Variants in TNR observed in about 807,000 individuals in gnomAD.
TNR encodes tenascin-R.
Under a neutral mutation model 150.4 loss-of-function variants are expected in TNR, and 45 were observed. The observed-to-expected ratio is 0.30, with a 90% CI of 0.24 to 0.38. The LOEUF (loss-of-function observed/expected upper bound fraction) is 0.38, where lower values mean the gene tolerates loss of function less well. Ranked by LOEUF, TNR falls within the 10% of genes least tolerant of loss-of-function variation. The probability of loss-of-function intolerance (pLI) is 1.00; values close to 1 mark genes in which losing one functional copy is unlikely to be tolerated. For missense variants in TNR, 1,544 were observed against 1,759.1 expected (o/e 0.88, Z 2.19); for synonymous variants, 687 against 678.4 (o/e 1.01, Z -0.20).
intron 2 of TNR, among the ~76,000 whole-genome samples, chr1:175,525,518 G>T (rs752559739): frequency 2.0e-5 from 3 of 152,176 alleles, no homozygotes; most frequent in Admixed American, 6.5e-5. Flanking sequence ...AGTTTAAATG[G>T]ATTACAAGTA....
intron 2 of TNR, among the ~76,000 whole-genome samples, chr1:175,480,443 G>GAAAGAAAGAAAGAA (rs199763120): frequency 5.8e-4 from 55 of 94,714 alleles, no homozygotes; most frequent in Non-Finnish European, 9.0e-4. Flanking sequence ...AAGAAAGAAA[G>GAAAGAAAGAAAGAA]AGAAAGAAAG....
intron 2 of TNR, among the ~76,000 whole-genome samples, chr1:175,489,400 G>C (rs959235736): frequency 6.6e-6 from 1 of 152,200 alleles, no homozygotes; most frequent in Non-Finnish European, 1.5e-5. Context: ...GTTAGGGGCT[G>C]TTACAGTCAC....
intron 1 of TNR, among the ~76,000 whole-genome samples, chr1:175,621,054 G>A (rs1410348260): frequency 6.6e-6 from 1 of 152,088 alleles, no homozygotes; most frequent in Admixed American, 6.5e-5. Context: ...CTTTGCTATC[G>A]CTCTTGCCTT....
intron 1 of TNR, among the ~76,000 whole-genome samples, chr1:175,561,146 T>G (rs1380799077): frequency 6.6e-6 from 1 of 152,226 alleles, no homozygotes; most frequent in African/African-American, 2.4e-5. Flanking sequence ...TCTGGCACTA[T>G]TTTTACAGGC....
intron 18 of TNR, among the ~76,000 whole-genome samples, chr1:175,345,591 A>G (rs139386322): frequency 6.6e-6 from 1 of 152,306 alleles, no homozygotes; most frequent in East Asian, 1.9e-4. Context: ...AATAAGCTAA[A>G]GAGTAAGCAA....
chr1:175,396,889 C>T (rs1290264595), intron 4 of TNR, 82 bp from the exon 5 acceptor site: 14 of 1,531,504 alleles, frequency 9.1e-6, no homozygotes, highest in Non-Finnish European at 1.2e-5. Flanking sequence ...CCTCACATCT[C>T]ACCCCCCATG....
intron 2 of TNR, among the ~76,000 whole-genome samples, chr1:175,422,528 G>A (rs1395886088): frequency 1.3e-5 from 2 of 152,218 alleles, no homozygotes; most frequent in Non-Finnish European, 2.9e-5. Flanking sequence ...CTGGGAGTGT[G>A]TGGGGTGGCC....
At chr1:175,337,147 G>A (rs761419879) in intron 19 of TNR, among the ~76,000 whole-genome samples, 1 of 152,140 alleles carries the variant, frequency 6.6e-6, no homozygotes, top group Non-Finnish European at 1.5e-5. Flanking sequence ...ACCCGCCTTG[G>A]CCTCCCAAAG....
chr1:175,436,420 T>G (rs868466785), intron 2 of TNR, among the ~76,000 whole-genome samples: 1 of 152,230 alleles, frequency 6.6e-6, no homozygotes, highest in African/African-American at 2.4e-5. Flanking sequence ...TTTCTTCCAG[T>G]TAATCGAATC....
At chr1:175,543,633 A>T (rs1484349174) in intron 1 of TNR, among the ~76,000 whole-genome samples, 1 of 152,202 alleles carries the variant, frequency 6.6e-6, no homozygotes, top group African/African-American at 2.4e-5. Flanking sequence ...GCTCCTGGGC[A>T]ATTTCAAAGA....
chr1:175,342,206 C>T (rs1304833253), intron 18 of TNR, among the ~76,000 whole-genome samples: 2 of 152,136 alleles, frequency 1.3e-5, no homozygotes, highest in Non-Finnish European at 2.9e-5. Flanking sequence ...AAGAGATAAA[C>T]ATTGTGGGCT....
chr1:175,323,171 G>T lies in TNR; in HGVS notation c.*186C>A, dbSNP rs954256690. On this transcript the variant is annotated 3_prime_UTR_variant, in exon 23 of 23. Coordinates refer to ENST00000367674, the MANE Select transcript of TNR (RefSeq NM_003285.3). ...GTAGGAGGGAGAATGGAGACTGAGG[G>T]TCAGGCTCCAGGGCAGCAGAAACCA... 3.0e-6 allele frequency: 2 copies of T among 661,302 alleles called. No homozygotes were observed. Among genetic ancestry groups the T allele is most frequent in the Non-Finnish European group, 4.8e-6 (2 of 418,152 alleles). The allele number at this position is 661,302 out of a possible 1,614,324, so 41.0% of individuals were successfully genotyped here.
intron 1 of TNR, among the ~76,000 whole-genome samples, chr1:175,654,518 A>G (rs1435258198): frequency 6.6e-6 from 1 of 152,120 alleles, no homozygotes; most frequent in African/African-American, 2.4e-5. Flanking sequence ...GCTCACGGCA[A>G]TGAGTATCAT....
At chr1:175,495,222 G>A (rs1245133300) in intron 2 of TNR, among the ~76,000 whole-genome samples, 1 of 152,180 alleles carries the variant, frequency 6.6e-6, no homozygotes, top group Non-Finnish European at 1.5e-5. Flanking sequence ...ATCATGCACA[G>A]GGCTAATTAC....
intron 2 of TNR, among the ~76,000 whole-genome samples, chr1:175,465,474 T>C (rs1656991737): frequency 6.6e-6 from 1 of 152,210 alleles, no homozygotes; most frequent in Admixed American, 6.5e-5. Flanking sequence ...CTTATGGGAT[T>C]TTTTTATGAG....
At chr1:175,383,653 T>A (rs1652788696) in intron 8 of TNR, among the ~76,000 whole-genome samples, 1 of 152,250 alleles carries the variant, frequency 6.6e-6, no homozygotes, top group Admixed American at 6.5e-5. Context: ...CCTGTGCAAT[T>A]AGTGCACTCC....
At chr1:175,693,874 A>G (rs1666442180) in intron 1 of TNR, among the ~76,000 whole-genome samples, 1 of 152,266 alleles carries the variant, frequency 6.6e-6, no homozygotes, top group African/African-American at 2.4e-5. Flanking sequence ...GCTGAAGTAC[A>G]TTTCAACTGC....
chr1:175,511,793 G>A (rs1659186148), intron 2 of TNR, among the ~76,000 whole-genome samples: 1 of 152,210 alleles, frequency 6.6e-6, no homozygotes, highest in Non-Finnish European at 1.5e-5. Flanking sequence ...GACCCGTAGT[G>A]AGGTGATCAC....
intron 1 of TNR, among the ~76,000 whole-genome samples, chr1:175,613,290 C>T (rs1307692396): frequency 6.6e-6 from 1 of 152,220 alleles, no homozygotes; most frequent in Non-Finnish European, 1.5e-5. Context: ...ATCCTTCCCA[C>T]AGTGCATCCT....
Sources: allele counts gnomAD v4.1 joint callset (sites outside exome capture counted in the v4.1 genomes callset), GRCh38; gene constraint gnomAD v4.1.1; transcripts MANE v1.5; gene names NCBI Gene and HGNC (gene_info 2026-07-23, HGNC 2026-07-21).